The following ZNF658 variants were observed in gnomAD, a reference collection of about 807,000 sequenced individuals.
ZNF658 encodes zinc finger protein 658.
In ZNF658, 46 loss-of-function variants were observed where a neutral mutation model predicts 78.0. That is an observed-to-expected ratio of 0.59 (90% CI 0.47 to 0.75). ZNF658 has a LOEUF of 0.75. Among genes scored for constraint, ZNF658 ranks in the 30% least tolerant of loss-of-function variants. The probability of loss-of-function intolerance (pLI) is 0.00; values close to 1 mark genes in which losing one functional copy is unlikely to be tolerated. For synonymous variants in ZNF658, 279 were observed against 408.4 expected (o/e 0.68, Z 3.82); for missense variants, 785 against 1,189.3 (o/e 0.66, Z 5.00).
intron 4 of ZNF658, among the ~76,000 whole-genome samples, chr9:66,917,329 T>C (rs1398107936): frequency 6.7e-6 from 1 of 148,782 alleles, no homozygotes; most frequent in Admixed American, 6.8e-5. Context: ...ACCTGTTTTA[T>C]AAACAGCATG....
intron 1 of ZNF658, chr9:66,902,996 G>A (rs1821988552): frequency 6.5e-6 from 1 of 152,766 alleles, no homozygotes; most frequent in Admixed American, 6.5e-5. Context: ...CAAACTGCTG[G>A]GATTACAGGC....
At chr9:66,907,837 C>A (rs570651157) in intron 2 of ZNF658, among the ~76,000 whole-genome samples, 1 of 152,000 alleles carries the variant, frequency 6.6e-6, no homozygotes, top group South Asian at 2.1e-4. Context: ...ACCTGCTCTA[C>A]CCTATATAAA....
Position 66,918,165 on chromosome 9 carries a change from A to G in ZNF658, c.599A>G (p.Tyr200Cys). 6.2e-7 allele frequency: 1 copy of G among 1,606,676 alleles called. No homozygotes were observed. The highest frequency in any genetic ancestry group is 8.5e-7 in the Non-Finnish European group (1 of 1,177,606). ...GGTGAAAATGCTAAAGCTTTCAGTT[A>G]TAAGAAAGATCAGCATTGGAAATTT... ...EHGENAKAFS[Y>C]KKDQHWKFQT... Residue 200 changes from tyrosine to cysteine, a missense_variant, in exon 5 of 5, where the codon TAT becomes TGT. By Grantham distance (194) the Tyr-to-Cys change is radical. This residue lies in a region of ZNF658 where 393 missense variants were observed against 400.2 expected (regional missense o/e 0.98). Coordinates refer to ENST00000621410, the MANE Select transcript of ZNF658 (RefSeq NM_033160.7).
At chr9:66,927,383 C>A (rs987422390) in intron 6 of ZNF658, among the ~76,000 whole-genome samples, 4 of 151,874 alleles carry the variant, frequency 2.6e-5, no homozygotes, top group Admixed American at 2.0e-4. Flanking sequence ...AGAAAGGGAA[C>A]CCTTGTACAT....
In ZNF658 at chr9:66,918,853, G is replaced by A. The variant is rs750597927; in HGVS notation, c.1287G>A (p.Gln429=). Residue 429 remains glutamine (Q), a synonymous_variant, in exon 5 of 5, where the codon CAG becomes CAA. Coordinates refer to ENST00000621410, the MANE Select transcript of ZNF658 (RefSeq NM_033160.7). ...KSFCSSSHPI[Q]HPGTYVGFKL... is the part of the protein sequence containing the mutation. Reference sequence around the variant, plus strand: ...TTTGTTCAAGTTCACATCCTATTCAGCATCCTGGAACTTATGTGGGATTCA... The same window carrying A: ...TTTGTTCAAGTTCACATCCTATTCAACATCCTGGAACTTATGTGGGATTCA... 6.2e-7 allele frequency: 1 copy of A among 1,604,878 alleles called. No individual in the cohort carries two copies. Among genetic ancestry groups the A allele is most frequent in the African/African-American group, 1.3e-5 (1 of 74,096 alleles).
rs769654209 is a variant in ZNF658 at position 66,920,339 on chromosome 9, G to A, written c.2773G>A (p.Val925Ile). The A allele has an allele frequency of 1.1e-5, 18 of 1,613,294 alleles. No homozygotes were observed. Among genetic ancestry groups the A allele is most frequent in the Non-Finnish European group, 1.5e-5 (18 of 1,179,862 alleles). The change falls in exon 5 of 5, where the codon GTT becomes ATT. Residue 925 changes from valine to isoleucine, a missense_variant. By Grantham distance (29) the Val-to-Ile change is conservative. Around this residue, in one of 12 missense-constraint regions of ZNF658, gnomAD observed 85 missense variants for 108.6 expected, o/e 0.78. Transcript: ENST00000621410. ...CGKTFSEKSY[V>I]SAHQRVHTGE... ...GAAAACCTTCTCTGAGAAGTCATAT[G>A]TTAGTGCACATCAGAGAGTTCATAC...
rs1436304559 is a variant in ZNF658 at position 66,908,349 on chromosome 9, C to T, written c.127C>T (p.His43Tyr). 3 of 1,613,922 alleles carry T rather than the reference C, an allele frequency of 1.9e-6. No individual in the cohort carries two copies. Among genetic ancestry groups the T allele is most frequent in the South Asian group, 2.2e-5 (2 of 91,066 alleles). ...AGATGTGATGCTGGAGAACTACAGC[C>T]ACCTCATCTCAGTGGGTGAGCATAG... ...YRDVMLENYS[H>Y]LISVGYCITK... Residue 43 changes from histidine (H) to tyrosine (Y), a missense_variant, in exon 3 of 5, where the codon CAC becomes TAC. Physicochemically the swap from His to Tyr is moderately conservative, Grantham distance 83. This residue lies in a region of ZNF658 where 79 missense variants were observed against 96.5 expected (regional missense o/e 0.82). Transcript: ENST00000621410.
At chr9:66,914,654 T>C (rs2118042130) in intron 4 of ZNF658, among the ~76,000 whole-genome samples, 1 of 152,242 alleles carries the variant, frequency 6.6e-6, no homozygotes, top group African/African-American at 2.4e-5. Flanking sequence ...ATTGATGTAG[T>C]GTGTGATTTT....
Position 66,918,063 on chromosome 9 carries a change from A to G in ZNF658, c.497A>G (p.Tyr166Cys), listed in dbSNP as rs1564174178. ...ERKYSRKKTE[Y>C]MNVCEKLQLD... ...AAATATTCAAGAAAGAAGACTGAATACATGAATGTGTGTGAGAAACTGCAG... is the reference window on the plus strand; with the variant it reads ...AAATATTCAAGAAAGAAGACTGAATGCATGAATGTGTGTGAGAAACTGCAG... The change falls in exon 5 of 5, where the codon TAC (tyrosine) becomes TGC (cysteine). Residue 166 changes from tyrosine to cysteine, a missense_variant. Tyr to Cys is a radical substitution (Grantham distance 194). This residue lies in a region of ZNF658 where 393 missense variants were observed against 400.2 expected (regional missense o/e 0.98). Transcript: ENST00000621410. 6.3e-7 allele frequency: 1 copy of G among 1,599,270 alleles called. No individual in the cohort carries two copies. Among genetic ancestry groups the G allele is most frequent in the East Asian group, 2.2e-5 (1 of 44,678 alleles).
chr9:66,913,153 G>T (rs555999370), intron 4 of ZNF658, among the ~76,000 whole-genome samples: 1 of 150,348 alleles, frequency 6.7e-6, no homozygotes, highest in Non-Finnish European at 1.5e-5. Context: ...AGCTAGGCAC[G>T]GTGGCTCACA....
chr9:66,913,762 TGA>T (rs1303776826), intron 4 of ZNF658, among the ~76,000 whole-genome samples: 1 of 147,124 alleles, frequency 6.8e-6, no homozygotes, highest in Non-Finnish European at 1.5e-5. Context: ...ATAGAAAGTA[TGA>T]GTTATGTGTC....
At chr9:66,927,516 G>T (rs1822597493) in intron 6 of ZNF658, among the ~76,000 whole-genome samples, 4 of 149,996 alleles carry the variant, frequency 2.7e-5, no homozygotes, top group Admixed American at 2.7e-4. Flanking sequence ...TTATCCAAAA[G>T]AATTGAAATC....
Position 66,918,831 on chromosome 9 carries a change from G to T in ZNF658, c.1265G>T (p.Cys422Phe), listed in dbSNP as rs1315012424. 5 of 1,612,230 alleles carry T rather than the reference G, an allele frequency of 3.1e-6. No homozygotes were observed. Among genetic ancestry groups the T allele is most frequent in the Non-Finnish European group, 4.2e-6 (5 of 1,179,146 alleles). ...YQYEECAKSF[C>F]SSSHPIQHPG... ...TATGAGGAATGTGCAAAATCCTTTT[G>T]TTCAAGTTCACATCCTATTCAGCAT... The change falls in exon 5 of 5, where the codon TGT becomes TTT. Residue 422 changes from cysteine (C) to phenylalanine (F), a missense_variant. Coordinates refer to ENST00000621410, the MANE Select transcript of ZNF658 (RefSeq NM_033160.7).
chr9:66,906,919 T>C (rs1822094278), intron 2 of ZNF658, among the ~76,000 whole-genome samples: 1 of 152,160 alleles, frequency 6.6e-6, no homozygotes, highest in African/African-American at 2.4e-5. Flanking sequence ...TTCTCATTGC[T>C]TTTATGGAAG....
rs774066410 is a variant in ZNF658, at chr9:66,920,433, A to G, written c.2867A>G (p.His956Arg). ...PFAHNSTLRVHQRIHTGEKSY... is the reference protein window; with the variant it reads ...PFAHNSTLRVRQRIHTGEKSY... Reference sequence around the variant, plus strand: ...GCCCATAATTCAACCCTCAGAGTACATCAAAGAATTCACACAGGGGAGAAA... The same window carrying G: ...GCCCATAATTCAACCCTCAGAGTACGTCAAAGAATTCACACAGGGGAGAAA... The change falls in exon 5 of 5, where the codon CAT becomes CGT. Residue 956 changes from histidine (H) to arginine (R), a missense_variant. His to Arg is a conservative substitution (Grantham distance 29, BLOSUM62 0). Coordinates refer to ENST00000621410, the MANE Select transcript of ZNF658 (RefSeq NM_033160.7). 5 of 1,609,830 alleles carry G rather than the reference A, an allele frequency of 3.1e-6. No individual in the cohort carries two copies. The highest frequency in any genetic ancestry group is 4.5e-5 in the East Asian group (2 of 44,768).
intron 1 of ZNF658, 32 bp from the exon 2 acceptor site, chr9:66,903,486 T>TCATGA: frequency 7.2e-7 from 1 of 1,390,578 alleles, no homozygotes; most frequent in South Asian, 1.2e-5. Flanking sequence ...ACCAGGTCTC[T>TCATGA]CATGACCCCA....
rs531559049 is a variant in ZNF658, at chr9:66,929,617, A to G, written c.*55-2408A>G. On this transcript the variant is annotated intron_variant and NMD_transcript_variant, in intron 6 of 6. Coordinates refer to the ZNF658 transcript ENST00000622180. ...GAGTCAATTTTTCCCCCAGGTCTTA[A>G]GCTAGGAAACTATGCAGGTAACTAA... Among the ~76,000 whole-genome samples the G allele has an allele frequency of 2.0e-5, 3 of 151,170 alleles. No homozygotes were observed. The South Asian group carries it at 6.3e-4, about 32-fold the overall frequency.
At chr9:66,916,192 A>T (rs1822331839) in intron 4 of ZNF658, among the ~76,000 whole-genome samples, 1 of 152,192 alleles carries the variant, frequency 6.6e-6, no homozygotes, top group African/African-American at 2.4e-5. Flanking sequence ...CTGGCCAAAA[A>T]AATTTAAGCC....
intron 4 of ZNF658, among the ~76,000 whole-genome samples, chr9:66,909,431 A>AT (rs1822161828): frequency 6.6e-6 from 1 of 150,798 alleles, no homozygotes; most frequent in Non-Finnish European, 1.5e-5. Flanking sequence ...TTTTATGGCC[A>AT]AATAATGTCC....
Sources: allele counts gnomAD v4.1 joint callset (sites outside exome capture counted in the v4.1 genomes callset), GRCh38; gene constraint gnomAD v4.1.1; regional missense constraint gnomAD v4.1.1; transcripts MANE v1.5; gene names NCBI Gene and HGNC (gene_info 2026-07-23, HGNC 2026-07-21).